CACNA1D: variants seen among roughly 807,000 people sequenced by gnomAD.
CACNA1D encodes the protein calcium voltage-gated channel subunit alpha1 D.
A neutral mutation model predicts 257.1 loss-of-function variants in CACNA1D; 55 were observed. The ratio of observed to expected loss-of-function variants is 0.21; its 90% CI spans 0.17 to 0.27. The LOEUF is 0.27. Ranked by LOEUF, CACNA1D falls within the 10% of genes least tolerant of loss-of-function variation. The pLI, the probability that CACNA1D is intolerant of heterozygous loss-of-function variation, is 1.00. For missense variants in CACNA1D, 1,876 were observed against 2,784.0 expected, an observed-to-expected ratio of 0.67 and a Z score of 7.34; for synonymous variants, 980 against 1,014.9, an observed-to-expected ratio of 0.97 and a Z score of 0.65.
chr3:53,695,442 C>G (rs2094564927), intron 8 of CACNA1D, among the ~76,000 whole-genome samples: 1 of 152,186 alleles, frequency 6.6e-6, no homozygotes, highest in South Asian at 2.1e-4. Flanking sequence ...TTCTCCATCC[C>G]TCCTCCTGCC....
At chr3:53,777,061 G>T in intron 37 of CACNA1D, 105 bp downstream of exon 37, 1 of 834,858 alleles carries the variant, frequency 1.2e-6, no homozygotes. Context: ...AGTTGCTAGG[G>T]ATGCAGCAAT....
intron 3 of CACNA1D, among the ~76,000 whole-genome samples, chr3:53,516,435 T>G (rs2091336813): frequency 6.6e-6 from 1 of 152,210 alleles, no homozygotes; most frequent in African/African-American, 2.4e-5. Context: ...TCCCTTCCCT[T>G]TCCTCAGCAA....
intron 3 of CACNA1D, among the ~76,000 whole-genome samples, chr3:53,553,482 C>T (rs2092576548): frequency 6.6e-6 from 1 of 152,212 alleles, no homozygotes; most frequent in South Asian, 2.1e-4. Context: ...TGTCACAGCA[C>T]TGCTGCCACC....
Position 53,800,341 on chromosome 3 carries a change from A to T in CACNA1D, c.5016A>T (p.Arg1672=), listed in dbSNP as rs2095529921. 2 of 1,610,516 alleles carry T rather than the reference A, an allele frequency of 1.2e-6. No homozygotes were observed. Among genetic ancestry groups the T allele is most frequent in the African/African-American group, 1.3e-5 (1 of 74,998 alleles). The change falls in exon 41 of 48, where the codon CGA becomes CGT. Residue 1672 remains arginine, a synonymous_variant. Transcript: ENST00000350061. The surrounding 1 kb of genome is among the most constrained non-coding windows in gnomAD (Gnocchi z 4.3). ...ATGACGAGCCTGAGGAAACAAAACG[A>T]GAAGAAGAAGATGATGTGTTCAAAG... The part of the protein sequence containing the change: ...LQDDEPEETK[R]EEEDDVFKRN...
intron 37 of CACNA1D, among the ~76,000 whole-genome samples, chr3:53,779,107 T>A (rs1373748725): frequency 6.6e-6 from 1 of 152,132 alleles, no homozygotes; most frequent in Non-Finnish European, 1.5e-5. Flanking sequence ...AAGACCAACC[T>A]GGGCAACAAA....
At chr3:53,720,232 A>G (rs2094868048) in intron 11 of CACNA1D, among the ~76,000 whole-genome samples, 1 of 152,232 alleles carries the variant, frequency 6.6e-6, no homozygotes, top group African/African-American at 2.4e-5. Flanking sequence ...ATTTTTCAAC[A>G]AAAACATTTT....
chr3:53,720,759 G>A (rs78889278), intron 11 of CACNA1D, among the ~76,000 whole-genome samples: 2 of 152,192 alleles, frequency 1.3e-5, no homozygotes, highest in African/African-American at 4.8e-5. Context: ...GTTCTGACAA[G>A]GATGCTGATT....
chr3:53,710,876 C>T (rs1444569328), intron 9 of CACNA1D, among the ~76,000 whole-genome samples: 2 of 152,046 alleles, frequency 1.3e-5, no homozygotes, highest in Non-Finnish European at 2.9e-5. Flanking sequence ...AATTGCTTCT[C>T]TGTCTTTTAG....
At chr3:53,720,552 G>A (rs1179709502) in intron 11 of CACNA1D, among the ~76,000 whole-genome samples, 1 of 152,212 alleles carries the variant, frequency 6.6e-6, no homozygotes, top group Non-Finnish European at 1.5e-5. Context: ...ATGCATAAAG[G>A]AGAGTGTCAA....
In CACNA1D at chr3:53,753,691, C is replaced by T. The variant is rs761494018; in HGVS notation, c.3786+9C>T. 2.0e-6 allele frequency: 3 copies of T among 1,527,602 alleles called. No homozygotes were observed. Among genetic ancestry groups the T allele is most frequent in the Non-Finnish European group, 2.7e-6 (3 of 1,100,858 alleles). The allele number at this position is 1,527,602 out of a possible 1,614,324, so 94.6% of individuals were successfully genotyped here. A position where few individuals can be genotyped will look rare whatever the true frequency, so the allele number is the denominator to read the frequency against. On this transcript the variant is annotated intron_variant, in intron 29 of 47. Transcript: ENST00000350061. ...TCGCATTTAAGCCTAAGGTGAGTTG[C>T]AGAACCCACTTTTCAAAGGTTGTTG...
chr3:53,590,518 G>A (rs2093288180), intron 3 of CACNA1D, among the ~76,000 whole-genome samples: 1 of 152,208 alleles, frequency 6.6e-6, no homozygotes, highest in African/African-American at 2.4e-5. Context: ...GCATCCAAAT[G>A]CCATTGCCCA....
intron 3 of CACNA1D, among the ~76,000 whole-genome samples, chr3:53,636,522 T>G (rs1489708318): frequency 6.6e-6 from 1 of 152,170 alleles, no homozygotes; most frequent in African/African-American, 2.4e-5. Flanking sequence ...GCCAAGCTGG[T>G]CTCAAACTCC....
At chr3:53,545,075 GAAAACCA>G (rs2092382934) in intron 3 of CACNA1D, among the ~76,000 whole-genome samples, 1 of 152,188 alleles carries the variant, frequency 6.6e-6, no homozygotes, top group African/African-American at 2.4e-5. Flanking sequence ...TATTCACAAA[GAAAACCA>G]TGCCATGAGG....
chr3:53,540,307 G>T (rs1435785492), intron 3 of CACNA1D, among the ~76,000 whole-genome samples: 1 of 150,384 alleles, frequency 6.6e-6, no homozygotes, highest in Non-Finnish European at 1.5e-5. Flanking sequence ...TTTTCTAATG[G>T]TAGAGACAGG....
At chr3:53,757,090 A>G (rs1351303484) in intron 29 of CACNA1D, among the ~76,000 whole-genome samples, 1 of 152,230 alleles carries the variant, frequency 6.6e-6, no homozygotes, top group Non-Finnish European at 1.5e-5. Flanking sequence ...CTGATGCAGA[A>G]TGGGCACTGA....
intron 3 of CACNA1D, among the ~76,000 whole-genome samples, chr3:53,582,351 A>G (rs1392762990): frequency 6.6e-6 from 1 of 152,150 alleles, no homozygotes; most frequent in Non-Finnish European, 1.5e-5. Context: ...GGGACATTAT[A>G]TAGAGAAATT....
At chr3:53,609,409 CAAAA>C (rs33943272) in intron 3 of CACNA1D, among the ~76,000 whole-genome samples, 10 of 79,664 alleles carry the variant, frequency 1.3e-4, no homozygotes, top group Non-Finnish European at 1.9e-4. Flanking sequence ...GACTCTACCT[CAAAA>C]AAAAAAAAAA....
At chr3:53,529,516 A>G (rs2091878207) in intron 3 of CACNA1D, among the ~76,000 whole-genome samples, 1 of 152,172 alleles carries the variant, frequency 6.6e-6, no homozygotes, top group Non-Finnish European at 1.5e-5. Context: ...CTGGACTCAT[A>G]ATGTGAGAAA....
In CACNA1D at chr3:53,495,131, C is replaced by G. The variant is rs199655955; in HGVS notation, c.-36C>G. 44 of 1,573,450 alleles carry G rather than the reference C, an allele frequency of 2.8e-5. No individual in the cohort carries two copies. Among genetic ancestry groups the G allele is most frequent in the Non-Finnish European group, 3.8e-5 (43 of 1,145,424 alleles). On this transcript the variant is annotated 5_prime_UTR_variant, in exon 1 of 48. Transcript: ENST00000350061. The surrounding 1 kb of genome is among the most constrained non-coding windows in gnomAD (Gnocchi z 5.1). Reference sequence around the variant, plus strand: ...CCCCGCCTCAACGCCCAGCACAGTGCCCTGCACACAGTAGTCGCTCAATAA... The same window carrying G: ...CCCCGCCTCAACGCCCAGCACAGTGGCCTGCACACAGTAGTCGCTCAATAA...
Sources: allele counts gnomAD v4.1 joint callset (sites outside exome capture counted in the v4.1 genomes callset), GRCh38; gene constraint gnomAD v4.1.1; non-coding constraint Gnocchi (gnomAD v3.1); transcripts MANE v1.5; gene names NCBI Gene and HGNC (gene_info 2026-07-23, HGNC 2026-07-21).